GATB: variants seen among roughly 807,000 people sequenced by gnomAD.
The protein encoded by GATB is glutamyl-tRNA(Gln) amidotransferase subunit B, mitochondrial.
A neutral mutation model predicts 62.3 loss-of-function variants in GATB; 39 were observed. The ratio of observed to expected loss-of-function variants is 0.63; its 90% CI spans 0.48 to 0.82. The LOEUF is 0.82. Among genes scored for constraint, GATB ranks in the 40% least tolerant of loss-of-function variants. The pLI is 0.00. For synonymous variants in GATB, 276 were observed against 258.9 expected, an observed-to-expected ratio of 1.07 and a Z score of -0.63; for missense variants, 670 against 684.0, an observed-to-expected ratio of 0.98 and a Z score of 0.23.
chr4:151,687,677 G>C (rs1259205340), intron 10 of GATB, among the ~76,000 whole-genome samples: 1 of 152,200 alleles, frequency 6.6e-6, no homozygotes, highest in African/African-American at 2.4e-5. Flanking sequence ...GAGGTCACGA[G>C]GGTGTGGTCC....
intron 2 of GATB, among the ~76,000 whole-genome samples, chr4:151,757,730 G>A (rs532175460): frequency 5.5e-4 from 83 of 152,094 alleles, no homozygotes; most frequent in Non-Finnish European, 5.3e-4. Context: ...GCCCACCTTG[G>A]CCTTCCAAAG....
intron 2 of GATB, among the ~76,000 whole-genome samples, chr4:151,746,516 C>T (rs1739596812): frequency 6.6e-6 from 1 of 152,076 alleles, no homozygotes; most frequent in South Asian, 2.1e-4. Flanking sequence ...AGACTTGGCA[C>T]CACAGTAAAG....
chr4:151,710,595 G>A (rs954880322), intron 5 of GATB, among the ~76,000 whole-genome samples: 11 of 152,056 alleles, frequency 7.2e-5, no homozygotes, highest in Non-Finnish European at 1.3e-4. Context: ...CATATCCAGC[G>A]GACACAGGAC....
chr4:151,702,624 C>T (rs139864593), intron 8 of GATB, among the ~76,000 whole-genome samples: 5 of 152,186 alleles, frequency 3.3e-5, no homozygotes, highest in South Asian at 2.1e-4. Flanking sequence ...GAACTCTGGA[C>T]GTTCCATTCA....
intron 5 of GATB, among the ~76,000 whole-genome samples, chr4:151,714,799 A>T (rs1043026990): frequency 6.6e-6 from 1 of 151,808 alleles, no homozygotes; most frequent in African/African-American, 2.4e-5. Flanking sequence ...TCTGTGGATT[A>T]AAAAAAAACT....
intron 5 of GATB, among the ~76,000 whole-genome samples, chr4:151,712,026 T>C (rs1738827554): frequency 6.6e-6 from 1 of 152,226 alleles, no homozygotes; most frequent in Non-Finnish European, 1.5e-5. Context: ...GGGAGACAAC[T>C]TTTTTTGAAC....
chr4:151,729,582 C>T (rs929091843), intron 2 of GATB, among the ~76,000 whole-genome samples: 1 of 151,994 alleles, frequency 6.6e-6, no homozygotes, highest in African/African-American at 2.4e-5. Context: ...AGAGGAAGTG[C>T]CATGATGTCT....
intron 10 of GATB, chr4:151,686,798 T>G (rs1738259270): frequency 6.6e-6 from 1 of 152,322 alleles, no homozygotes; most frequent in Admixed American, 6.6e-5. Context: ...GCACCCTCCC[T>G]GAAAGTTCTC....
In GATB at chr4:151,688,664, A is replaced by T; in HGVS notation, c.1297T>A (p.Tyr433Asn). Residue 433 changes from tyrosine to asparagine, a missense_variant, in exon 10 of 13, where the codon TAT becomes AAT. Tyr to Asn is a moderately radical substitution (Grantham distance 143). Transcript: ENST00000263985. ...TSWVLNTFLG[Y>N]LKQQNLAVSE... ...ACAGCGAGGTTCTGTTGCTTTAAAT[A>T]GCCCAGAAAAGTGTTGAGGACCCAA... The T allele has an allele frequency of 1.9e-6, 3 of 1,611,308 alleles. No homozygotes were observed. The highest frequency in any genetic ancestry group is 2.5e-6 in the Non-Finnish European group (3 of 1,179,328).
chr4:151,699,916 G>T (rs976263928), intron 9 of GATB, among the ~76,000 whole-genome samples: 1 of 152,186 alleles, frequency 6.6e-6, no homozygotes, highest in African/African-American at 2.4e-5. Flanking sequence ...CTGCTGAGTG[G>T]AGGGAGGTAA....
In GATB at chr4:151,739,754, G is replaced by T. The variant is rs536494174; in HGVS notation, c.327+19018C>A. Among the ~76,000 whole-genome samples the T allele has an allele frequency of 5.6e-4, 85 of 152,298 alleles. 1 individual carries two copies. Among genetic ancestry groups the T allele is most frequent in the African/African-American group, 2.0e-3 (82 of 41,566 alleles). On this transcript the variant is annotated intron_variant, in intron 2 of 12. Transcript: ENST00000263985. ...GTGACAGGACTTTGCTTTCTACTCT[G>T]TATTCTCTTGTCCCCAAAAGAGTGA...
chr4:151,718,695 C>T (rs1176598812), intron 3 of GATB, among the ~76,000 whole-genome samples: 1 of 152,182 alleles, frequency 6.6e-6, no homozygotes, highest in Admixed American at 6.5e-5. Flanking sequence ...AGAGGTGAAG[C>T]AACATCATCA....
chr4:151,758,367 T>C (rs1019184148), intron 2 of GATB, among the ~76,000 whole-genome samples: 3 of 152,200 alleles, frequency 2.0e-5, no homozygotes, highest in Non-Finnish European at 4.4e-5. Context: ...ACTGAATTAG[T>C]TGTCCCTCCT....
At chr4:151,744,018 A>G (rs1739547268) in intron 2 of GATB, among the ~76,000 whole-genome samples, 1 of 152,198 alleles carries the variant, frequency 6.6e-6, no homozygotes, top group Non-Finnish European at 1.5e-5. Context: ...ACCTAAAAAC[A>G]ATGGCTATCT....
At position 151,671,000 on chromosome 4, in the gene GATB, G is replaced by A. The variant is rs961812588; in HGVS notation, c.*174C>T. ...CTGGTCGGCTGTGGAGGCACCTCCAGGCACAGGGCCTAGAGGGTGAGAACA... is the reference window on the plus strand; with the variant it reads ...CTGGTCGGCTGTGGAGGCACCTCCAAGCACAGGGCCTAGAGGGTGAGAACA... On this transcript the variant is annotated 3_prime_UTR_variant, in exon 13 of 13. Coordinates refer to ENST00000263985, the MANE Select transcript of GATB (RefSeq NM_004564.3). The A allele has an allele frequency of 1.1e-5, 8 of 738,082 alleles. No homozygotes were observed. The highest frequency in any genetic ancestry group is 1.0e-4 in the East Asian group (4 of 38,902). The allele number at this position is 738,082 out of a possible 1,614,324, so 45.7% of individuals were successfully genotyped here. A position where few individuals can be genotyped will look rare whatever the true frequency, so the allele number is the denominator to read the frequency against.
At chr4:151,681,687 G>C (rs930877638) in intron 10 of GATB, among the ~76,000 whole-genome samples, 1 of 152,184 alleles carries the variant, frequency 6.6e-6, no homozygotes, top group Non-Finnish European at 1.5e-5. Context: ...GCTCTAACAG[G>C]TTAGTACCAA....
chr4:151,719,853 T>C, intron 2 of GATB: 1 of 237,654 alleles, frequency 4.2e-6, no homozygotes, highest in South Asian at 6.3e-5. Flanking sequence ...GAGTGGTTAC[T>C]ACATAGAATA....
intron 5 of GATB, among the ~76,000 whole-genome samples, chr4:151,710,283 CA>C (rs1738791453): frequency 6.6e-6 from 1 of 152,202 alleles, no homozygotes; most frequent in African/African-American, 2.4e-5. Context: ...CCATACCAGT[CA>C]TTACTCTTTC....
intron 2 of GATB, among the ~76,000 whole-genome samples, chr4:151,747,383 GTC>G (rs1448185555): frequency 6.6e-6 from 1 of 152,242 alleles, no homozygotes; most frequent in Non-Finnish European, 1.5e-5. Flanking sequence ...GTGAAAAAGA[GTC>G]TTGAGAAATC....
Sources: allele counts gnomAD v4.1 joint callset (sites outside exome capture counted in the v4.1 genomes callset), GRCh38; gene constraint gnomAD v4.1.1; transcripts MANE v1.5; gene names NCBI Gene and HGNC (gene_info 2026-07-23, HGNC 2026-07-21).